PQBP1: variants seen among roughly 807,000 people sequenced by gnomAD.
PQBP1 encodes the protein polyglutamine-binding protein 1.
Under a neutral mutation model 20.9 loss-of-function variants are expected in PQBP1, and 3 were observed. The observed-to-expected ratio is 0.14, with a 90% confidence interval of 0.07 to 0.37. The LOEUF is 0.37. Among genes scored for constraint, PQBP1 ranks in the 10% least tolerant of loss-of-function variants. The probability of loss-of-function intolerance (pLI) is 1.00; values close to 1 mark genes in which losing one functional copy is unlikely to be tolerated. For synonymous variants in PQBP1, 83 were observed against 93.8 expected, an observed-to-expected ratio of 0.88 and a Z score of 0.67; for missense variants, 162 against 240.3, an observed-to-expected ratio of 0.67 and a Z score of 2.16.
chrX:48,901,446 C>A, intron 3 of PQBP1, 145 bp downstream of exon 3: 1 of 1,095,809 alleles, frequency 9.1e-7, no homozygotes, highest in African/African-American at 1.8e-5. Flanking sequence ...TTGCTGCCTG[C>A]TGGGGCCTGG....
At chrX:48,898,782 ATTCTTTTTTTTTT>A (rs2063349836) in intron 2 of PQBP1, among the ~76,000 whole-genome samples, 1 of 29,169 alleles carries the variant, frequency 3.4e-5, no homozygotes, top group Non-Finnish European at 5.9e-5. Context: ...TAGATATTTC[ATTCTTTTTTTTTT>A]TTTTTTTTTT....
intron 6 of PQBP1, 52 bp downstream of exon 6, chrX:48,902,847 C>T (rs1569510639): frequency 8.4e-7 from 1 of 1,186,951 alleles, no homozygotes; most frequent in East Asian, 3.1e-5. Context: ...CTCCGGCCTC[C>T]TTCCTCCATT....
At chrX:48,901,569 C>T (rs1186862856) in intron 3 of PQBP1, 7 of 572,734 alleles carry the variant, frequency 1.2e-5, no homozygotes, top group Non-Finnish European at 1.7e-5. Context: ...ACCTCCGCCT[C>T]GTGGGTTCAA....
At position 48,902,922 on chromosome X, in the gene PQBP1, C is replaced by T. The variant is rs782373232; in HGVS notation, c.642-6C>T. ...CATCCCCATCCCCTGACTCTTTCAC[C>T]GGCAGGGGCACGTGGTCAACAGGAC... is the stretch of plus-strand genomic sequence containing the variant. On this transcript the variant is annotated splice_polypyrimidine_tract_variant and splice_region_variant and intron_variant, in intron 6 of 6. Transcript: ENST00000447146. 2.7e-5 allele frequency: 32 copies of T among 1,192,955 alleles called. No individual in the cohort carries two copies. The highest frequency in any genetic ancestry group is 3.3e-5 in the Non-Finnish European group (29 of 887,018).
rs782569786 is a variant in PQBP1, at chrX:48,902,958, G to A, written c.672G>A (p.Arg224=). The change falls in exon 7 of 7, where the codon CGG becomes CGA. Residue 224 remains arginine (R), a synonymous_variant. Transcript: ENST00000447146. ...RGTWSTGLPK[R]NEAKTGADTT... is the part of the protein sequence containing the mutation. The stretch of plus-strand genomic sequence containing the variant: ...CGTGGTCAACAGGACTCCCCAAGCG[G>A]AATGAGGCCAAGACTGGCGCTGACA... The A allele has an allele frequency of 7.5e-6, 9 of 1,197,656 alleles. No individual in the cohort carries two copies. The South Asian group carries it at 1.3e-4, about 17-fold the overall frequency.
In PQBP1 at chrX:48,902,397, A is replaced by G; in HGVS notation, c.457A>G (p.Arg153Gly). 8.3e-7 allele frequency: 1 copy of G among 1,209,222 alleles called. No individual in the cohort carries two copies. Among genetic ancestry groups the G allele is most frequent in the South Asian group, 1.8e-5 (1 of 56,450 alleles). The change falls in exon 5 of 7, where the codon AGA (arginine) becomes GGA (glycine). Residue 153 changes from arginine (R) to glycine (G), a missense_variant. Transcript: ENST00000447146. ...TGGCTATGACAAGGTAGACAGAGAG[A>G]GAGAGCGAGACAGGGAACGGGATCG... Reference protein sequence around the residue: ...ERGYDKVDRERERDRERDRDR... With the variant: ...ERGYDKVDREGERDRERDRDR...
intron 2 of PQBP1, among the ~76,000 whole-genome samples, chrX:48,900,284 CTTTTTTTTTTTTTT>C (rs1162086780): frequency 9.2e-5 from 3 of 32,474 alleles, no homozygotes; most frequent in South Asian, 2.8e-3. Context: ...CATTGATTTA[CTTTTTTTTTTTTTT>C]TTTTTTTTTT....
intron 2 of PQBP1, among the ~76,000 whole-genome samples, chrX:48,900,907 T>C (rs1261846567): frequency 9.0e-6 from 1 of 111,720 alleles, no homozygotes; most frequent in Non-Finnish European, 1.9e-5. Flanking sequence ...AGTAAATTTT[T>C]TGATGAATCC....
At chrX:48,900,645 G>C (rs782403929) in intron 2 of PQBP1, among the ~76,000 whole-genome samples, 2 of 110,209 alleles carry the variant, frequency 1.8e-5, no homozygotes, top group African/African-American at 3.3e-5. Context: ...CAAGCTCAAA[G>C]TCCTGGGCTC....
chrX:48,903,024 A>G lies in PQBP1; in HGVS notation c.738A>G (p.Pro246=). 1.7e-6 allele frequency: 2 copies of G among 1,207,316 alleles called. No individual in the cohort carries two copies. The highest frequency in any genetic ancestry group is 2.2e-6 in the Non-Finnish European group (2 of 893,649). ...AGPLFQQRPY[P]SPGAVLRANA... is the part of the protein sequence containing the mutation. Reference sequence around the variant, plus strand: ...CCCTCTTCCAGCAGCGGCCGTATCCATCCCCAGGGGCTGTGCTCCGGGCCA... The same window carrying G: ...CCCTCTTCCAGCAGCGGCCGTATCCGTCCCCAGGGGCTGTGCTCCGGGCCA... Residue 246 remains proline (P), a synonymous_variant, in exon 7 of 7, where the codon CCA becomes CCG. Transcript: ENST00000447146.
chrX:48,897,951 A>G lies in PQBP1; in HGVS notation c.-150A>G, dbSNP rs781841269. On this transcript the variant is annotated 5_prime_UTR_variant, in exon 1 of 7. Coordinates refer to ENST00000447146, the MANE Select transcript of PQBP1 (RefSeq NM_001032382.2). ...AGTCCAGTTACTTTCAGGCTCGGGG[A>G]GTGAAGGCCTCGTTGAGAGAAGGTC... is the stretch of plus-strand genomic sequence containing the variant. The G allele has an allele frequency of 8.3e-4, 717 of 864,017 alleles. 3 individuals carry two copies. The highest frequency in any genetic ancestry group is 4.3e-4 in the Non-Finnish European group (272 of 638,863). The allele number at this position is 864,017 out of a possible 1,213,427, so 71.2% of individuals were successfully genotyped here. A position where few individuals can be genotyped will look rare whatever the true frequency, so the allele number is the denominator to read the frequency against.
At position 48,901,290 on chromosome X, in the gene PQBP1, C is replaced by T. The variant is rs782701045; in HGVS notation, c.168C>T (p.Phe56=). 1.2e-5 allele frequency: 15 copies of T among 1,200,135 alleles called. No homozygotes were observed. The highest frequency in any genetic ancestry group is 3.5e-5 in the African/African-American group (2 of 56,905). Residue 56 remains phenylalanine (F), a synonymous_variant, in exon 3 of 7, where the codon TTC becomes TTT. Transcript: ENST00000447146. ...TACCACCAAGCTGGTACAAGGTGTT[C>T]GACCCTTCCTGGTGAGCCTGGGTGA... ...EGLPPSWYKV[F]DPSCGLPYYW...
At chrX:48,902,167 T>C in intron 4 of PQBP1, 66 bp from the exon 5 acceptor site, 1 of 1,204,827 alleles carries the variant, frequency 8.3e-7, no homozygotes, top group Non-Finnish European at 1.1e-6. Context: ...GCAAGGGAGG[T>C]TGTTGAAGGC....
intron 3 of PQBP1, chrX:48,901,503 A>C: frequency 2.2e-6 from 2 of 896,787 alleles, no homozygotes; most frequent in Non-Finnish European, 3.1e-6. Flanking sequence ...TTTGAAACGG[A>C]GTTTCACTCT....
chrX:48,898,358 C>G (rs2063341367), intron 1 of PQBP1, 134 bp from the exon 2 acceptor site: 3 of 642,086 alleles, frequency 4.7e-6, no homozygotes, highest in Non-Finnish European at 7.6e-6. Context: ...TGCGTATGTT[C>G]TGTCCACCCA....
intron 1 of PQBP1, 139 bp from the exon 2 acceptor site, chrX:48,898,353 A>G: frequency 1.6e-6 from 1 of 628,888 alleles, no homozygotes; most frequent in East Asian, 3.6e-5. Context: ...TTTAGTGCGT[A>G]TGTTCTGTCC....
chrX:48,901,802 A>C, intron 3 of PQBP1, 128 bp from the exon 4 acceptor site: 11 of 1,097,821 alleles, frequency 1.0e-5, no homozygotes, highest in African/African-American at 1.8e-5. Flanking sequence ...CTTCAGGAGA[A>C]GAGATTCTGG....
At chrX:48,901,452 C>T in intron 3 of PQBP1, 151 bp downstream of exon 3, 1 of 1,074,654 alleles carries the variant, frequency 9.3e-7, no homozygotes, top group South Asian at 2.0e-5. Context: ...CCTGCTGGGG[C>T]CTGGCTCCTC....
Position 48,901,919 on chromosome X carries a change from C to T in PQBP1, c.180-11C>T, listed in dbSNP as rs1169561196. ...CATCTGTGCTGACACTTCTTTCCTG[C>T]GGCCCCACAGCGGGCTCCCTTACTA... is the stretch of plus-strand genomic sequence containing the variant. On this transcript the variant is annotated splice_polypyrimidine_tract_variant and intron_variant, in intron 3 of 6. Transcript: ENST00000447146. 9.1e-6 allele frequency: 11 copies of T among 1,209,087 alleles called. No homozygotes were observed. In the East Asian group the frequency reaches 2.1e-4, roughly 23 times the overall value.
Sources: allele counts gnomAD v4.1 joint callset (sites outside exome capture counted in the v4.1 genomes callset), GRCh38; gene constraint gnomAD v4.1.1; transcripts MANE v1.5; gene names NCBI Gene and HGNC (gene_info 2026-07-23, HGNC 2026-07-21).